OTUD7B: variants seen among roughly 807,000 people sequenced by gnomAD.
OTUD7B encodes the protein OTU deubiquitinase 7B.
OTUD7B carries 34 observed loss-of-function variants against 82.2 expected under a neutral mutation model. The observed-to-expected ratio is 0.41, with a 90% CI of 0.31 to 0.55. OTUD7B has a LOEUF of 0.55. Ranked by LOEUF, OTUD7B falls within the 20% of genes least tolerant of loss-of-function variation. OTUD7B has a pLI of 0.20. For synonymous variants in OTUD7B, 398 were observed against 402.7 expected, an observed-to-expected ratio of 0.99 and a Z score of 0.14; for missense variants, 944 against 1,062.1, an observed-to-expected ratio of 0.89 and a Z score of 1.55.
At chr1:149,968,779 C>T (rs906311852) in intron 3 of OTUD7B, among the ~76,000 whole-genome samples, 3 of 152,148 alleles carry the variant, frequency 2.0e-5, no homozygotes, top group Admixed American at 2.0e-4. Context: ...GCTGCAGTCT[C>T]GGCTCACTGC....
At chr1:149,970,739 A>C (rs1331359259) in intron 3 of OTUD7B, among the ~76,000 whole-genome samples, 1 of 152,232 alleles carries the variant, frequency 6.6e-6, no homozygotes, top group Admixed American at 6.5e-5. Flanking sequence ...GGCAAATATT[A>C]ACAAATTACC....
At chr1:149,984,168 G>A (rs1553780353) in intron 1 of OTUD7B, among the ~76,000 whole-genome samples, 1 of 151,850 alleles carries the variant, frequency 6.6e-6, no homozygotes, top group African/African-American at 2.4e-5. Flanking sequence ...CCTTCACCAT[G>A]CTCCTTGAGC....
the OTUD7B span, among the ~76,000 whole-genome samples, chr1:150,016,081 G>C: frequency 6.6e-6 from 1 of 152,170 alleles, no homozygotes; most frequent in African/African-American, 2.4e-5. Context: ...TGGGTCTTTG[G>C]TGCCCTGCTG....
the OTUD7B span, among the ~76,000 whole-genome samples, chr1:150,015,872 T>TA: frequency 1.3e-5 from 2 of 152,130 alleles, no homozygotes; most frequent in Non-Finnish European, 2.9e-5. Flanking sequence ...AGGCATGTGA[T>TA]AGAGTTCTGA....
intron 1 of OTUD7B, among the ~76,000 whole-genome samples, chr1:150,003,400 A>G: frequency 6.6e-6 from 1 of 152,004 alleles, no homozygotes; most frequent in East Asian, 1.9e-4. Context: ...TGTTCATGGT[A>G]TTTTCTCAGA....
upstream of OTUD7B, among the ~76,000 whole-genome samples, chr1:150,013,981 T>C (rs12144737): frequency 8.9e-4 from 116 of 130,010 alleles, no homozygotes; most frequent in African/African-American, 2.1e-3. Flanking sequence ...CACATATATA[T>C]ACACACACAT....
At chr1:149,973,581 G>T (rs1253689594) in intron 2 of OTUD7B, among the ~76,000 whole-genome samples, 4 of 152,124 alleles carry the variant, frequency 2.6e-5, no homozygotes, top group African/African-American at 9.7e-5. Context: ...CTCCTCCTGG[G>T]TTCAAGCAAT....
chr1:150,023,298 A>G, the OTUD7B span, among the ~76,000 whole-genome samples: 1 of 152,232 alleles, frequency 6.6e-6, no homozygotes, highest in Non-Finnish European at 1.5e-5. Context: ...GTACATATCC[A>G]AAGAAATCGA....
chr1:150,006,636 A>G (rs941754614), intron 1 of OTUD7B, among the ~76,000 whole-genome samples: 1 of 152,234 alleles, frequency 6.6e-6, no homozygotes, highest in African/African-American at 2.4e-5. Flanking sequence ...AATTACCTAC[A>G]ACAGTGCTCC....
chr1:150,056,438 A>G, the OTUD7B span, among the ~76,000 whole-genome samples: 68 of 152,232 alleles, frequency 4.5e-4, no homozygotes, highest in African/African-American at 1.5e-3. Context: ...GAGGAAACTT[A>G]TAAACAGTAA....
intron 1 of OTUD7B, among the ~76,000 whole-genome samples, chr1:149,985,282 C>A (rs138321892): frequency 0.022 from 3,369 of 152,158 alleles, 130 homozygotes; most frequent in African/African-American, 0.077. Flanking sequence ...GTGGTGTGTG[C>A]CTTTTATCCC....
rs144210284 is a variant in OTUD7B, at chr1:149,950,231, C to T, written c.846-10G>A. On this transcript the variant is annotated splice_polypyrimidine_tract_variant and intron_variant, in intron 7 of 11. Transcript: ENST00000581312. Reference sequence around the variant, plus strand: ...CTCAGAACTCTCCACCCTGGAACGACGGGAAGGGAGAGAGTGAAAAGGGTG... The same window carrying T: ...CTCAGAACTCTCCACCCTGGAACGATGGGAAGGGAGAGAGTGAAAAGGGTG... 9.3e-4 allele frequency: 1,507 copies of T among 1,613,478 alleles called. 2 individuals are homozygous for T. Among genetic ancestry groups the T allele is most frequent in the Non-Finnish European group, 1.1e-3 (1,276 of 1,179,784 alleles).
the OTUD7B span, among the ~76,000 whole-genome samples, chr1:150,059,507 T>C: frequency 6.6e-6 from 1 of 151,828 alleles, no homozygotes; most frequent in Non-Finnish European, 1.5e-5. Flanking sequence ...GTAGCTGGGA[T>C]TACAGGCATG....
chr1:150,035,309 T>C, the OTUD7B span, among the ~76,000 whole-genome samples: 1 of 152,124 alleles, frequency 6.6e-6, no homozygotes, highest in African/African-American at 2.4e-5. Context: ...AGAGCTAGGC[T>C]TGGGAGAAAT....
the OTUD7B span, among the ~76,000 whole-genome samples, chr1:150,029,173 G>A: frequency 6.6e-6 from 1 of 152,082 alleles, no homozygotes; most frequent in Admixed American, 6.6e-5. Flanking sequence ...AATCTCAAAA[G>A]ATACCAGAGA....
chr1:149,967,230 T>C, intron 4 of OTUD7B, 64 bp downstream of exon 4: 2 of 1,198,096 alleles, frequency 1.7e-6, no homozygotes, highest in East Asian at 2.4e-5. Context: ...GTCCAGCCCC[T>C]CCACAAGGCT....
At chr1:149,973,818 A>G (rs1347434936) in intron 2 of OTUD7B, among the ~76,000 whole-genome samples, 1 of 150,532 alleles carries the variant, frequency 6.6e-6, no homozygotes, top group African/African-American at 2.4e-5. Flanking sequence ...AACAAGCAAC[A>G]GAGAGAAAAT....
At chr1:150,030,176 C>T in the OTUD7B span, among the ~76,000 whole-genome samples, 1 of 152,132 alleles carries the variant, frequency 6.6e-6, no homozygotes, top group East Asian at 1.9e-4. Flanking sequence ...AAACTTTAAC[C>T]ACCATCTTCC....
chr1:150,043,497 T>A, the OTUD7B span, among the ~76,000 whole-genome samples: 1 of 152,162 alleles, frequency 6.6e-6, no homozygotes, highest in African/African-American at 2.4e-5. Flanking sequence ...CGCTTTAATG[T>A]AAGGAAAAGA....
Sources: gnomAD v4.1 joint callset for allele counts (sites outside exome capture counted in the v4.1 genomes callset) on GRCh38, gnomAD v4.1.1 for gene constraint, MANE v1.5 for transcripts, NCBI Gene and HGNC (gene_info 2026-07-23, HGNC 2026-07-21) for gene names.